TAFA1: variants seen among roughly 807,000 people sequenced by gnomAD.
TAFA1 encodes the protein chemokine-like protein TAFA-1.
In TAFA1, 4 loss-of-function variants were observed where a neutral mutation model predicts 18.5. The ratio of observed to expected loss-of-function variants is 0.22; its 90% confidence interval spans 0.11 to 0.49. The LOEUF (loss-of-function observed/expected upper bound fraction) is 0.49, where lower values mean the gene tolerates loss of function less well. TAFA1 is among the 20% of genes least tolerant of loss of function. The probability of loss-of-function intolerance (pLI) is 0.98; values close to 1 mark genes in which losing one functional copy is unlikely to be tolerated. For synonymous variants in TAFA1, 56 were observed against 55.2 expected, an observed-to-expected ratio of 1.01 and a Z score of -0.06; for missense variants, 147 against 169.0, an observed-to-expected ratio of 0.87 and a Z score of 0.72.
At chr3:68,068,225 T>C (rs1266239746) in intron 2 of TAFA1, among the ~76,000 whole-genome samples, 1 of 152,208 alleles carries the variant, frequency 6.6e-6, no homozygotes. Context: ...TTTCAATAAG[T>C]GATACATATA....
At chr3:68,037,311 G>C (rs1705073059) in intron 2 of TAFA1, among the ~76,000 whole-genome samples, 1 of 152,136 alleles carries the variant, frequency 6.6e-6, no homozygotes, top group Admixed American at 6.5e-5. Flanking sequence ...TGACGCCAAA[G>C]AGGAAAGGAC....
At chr3:68,120,171 C>CTGTT (rs1178876848) in intron 2 of TAFA1, among the ~76,000 whole-genome samples, 16 of 84,490 alleles carry the variant, frequency 1.9e-4, no homozygotes, top group African/African-American at 7.2e-4. Context: ...CTCTTTCTTT[C>CTGTT]TCTTTCTTTC....
chr3:68,193,007 G>A (rs1203346672), intron 2 of TAFA1, among the ~76,000 whole-genome samples: 1 of 151,694 alleles, frequency 6.6e-6, no homozygotes, highest in Non-Finnish European at 1.5e-5. Flanking sequence ...CCCAATGGTG[G>A]GCATGGACAG....
intron 2 of TAFA1, among the ~76,000 whole-genome samples, chr3:68,317,074 C>T (rs762542789): frequency 5.3e-5 from 8 of 151,918 alleles, no homozygotes; most frequent in Non-Finnish European, 7.4e-5. Flanking sequence ...AAACTAAATA[C>T]ATATTAATTG....
At chr3:68,229,667 A>G (rs1326118998) in intron 2 of TAFA1, among the ~76,000 whole-genome samples, 2 of 152,226 alleles carry the variant, frequency 1.3e-5, no homozygotes, top group African/African-American at 4.8e-5. Flanking sequence ...GTAGGTGGGA[A>G]GAAGAAATTA....
chr3:68,495,783 C>T (rs2106692531), intron 3 of TAFA1, among the ~76,000 whole-genome samples: 1 of 152,104 alleles, frequency 6.6e-6, no homozygotes, highest in South Asian at 2.1e-4. Flanking sequence ...GCTCTCCAGG[C>T]TCACATGTGG....
chr3:68,010,178 T>C (rs1704443017), intron 2 of TAFA1, among the ~76,000 whole-genome samples: 1 of 152,198 alleles, frequency 6.6e-6, no homozygotes, highest in African/African-American at 2.4e-5. Context: ...GTGAAAGCTT[T>C]ACAGCTGCTT....
chr3:68,171,929 A>T (rs997914260), intron 2 of TAFA1, among the ~76,000 whole-genome samples: 11 of 152,284 alleles, frequency 7.2e-5, no homozygotes, highest in African/African-American at 2.4e-4. Flanking sequence ...AAAATGAGGG[A>T]AAATGAACAG....
At chr3:68,132,409 G>T (rs1209618455) in intron 2 of TAFA1, among the ~76,000 whole-genome samples, 2 of 152,052 alleles carry the variant, frequency 1.3e-5, no homozygotes, top group Non-Finnish European at 2.9e-5. Flanking sequence ...GGGATTGCTG[G>T]GTCAAATGGT....
chr3:68,434,356 T>C (rs1404894824), intron 3 of TAFA1, among the ~76,000 whole-genome samples: 1 of 152,080 alleles, frequency 6.6e-6, no homozygotes, highest in African/African-American at 2.4e-5. Context: ...GCAATGAGCT[T>C]GTTACAAGCA....
chr3:68,276,238 T>G (rs561653656), intron 2 of TAFA1, among the ~76,000 whole-genome samples: 1 of 151,810 alleles, frequency 6.6e-6, no homozygotes, highest in African/African-American at 2.4e-5. Context: ...AAGAAAAAAA[T>G]TATCTAAAGC....
At chr3:68,033,560 G>C (rs966726380) in intron 2 of TAFA1, among the ~76,000 whole-genome samples, 2 of 152,118 alleles carry the variant, frequency 1.3e-5, no homozygotes, top group Non-Finnish European at 2.9e-5. Context: ...CCTCCTCTGA[G>C]AGCATTGTAC....
chr3:68,412,773 T>C (rs1303331665), intron 2 of TAFA1, among the ~76,000 whole-genome samples: 1 of 152,186 alleles, frequency 6.6e-6, no homozygotes, highest in African/African-American at 2.4e-5. Context: ...ATCCAGTCTA[T>C]CATTGGTGGA....
At chr3:68,204,963 AATCAT>A (rs1353707426) in intron 2 of TAFA1, among the ~76,000 whole-genome samples, 1 of 151,882 alleles carries the variant, frequency 6.6e-6, no homozygotes, top group South Asian at 2.1e-4. Context: ...CCATTTAGTA[AATCAT>A]ATCCTATTAT....
chr3:68,123,296 T>G (rs2065422782), intron 2 of TAFA1, among the ~76,000 whole-genome samples: 1 of 152,086 alleles, frequency 6.6e-6, no homozygotes, highest in Admixed American at 6.6e-5. Flanking sequence ...ATCTAAGGGC[T>G]TGGCAAAGGG....
intron 2 of TAFA1, among the ~76,000 whole-genome samples, chr3:68,243,147 T>A (rs974868777): frequency 6.6e-6 from 1 of 152,114 alleles, no homozygotes; most frequent in African/African-American, 2.4e-5. Context: ...TTTTTATTTT[T>A]AAATAATTAT....
At chr3:68,290,126 A>G (rs2068081687) in intron 2 of TAFA1, among the ~76,000 whole-genome samples, 1 of 152,208 alleles carries the variant, frequency 6.6e-6, no homozygotes, top group Non-Finnish European at 1.5e-5. Flanking sequence ...AACCCTCTTG[A>G]TAATTTACTG....
chr3:68,318,125 G>C (rs762597185), intron 2 of TAFA1, among the ~76,000 whole-genome samples: 2 of 152,094 alleles, frequency 1.3e-5, no homozygotes, highest in African/African-American at 2.4e-5. Context: ...TTGCCAACCA[G>C]TTTGTCAGTA....
chr3:68,288,609 ATGCTAATGTCTCTCTGTCC>A (rs1437527226), intron 2 of TAFA1, among the ~76,000 whole-genome samples: 1 of 152,172 alleles, frequency 6.6e-6, no homozygotes, highest in Non-Finnish European at 1.5e-5. Flanking sequence ...TCTGCTTTCA[ATGCTAATGTCTCTCTGTCC>A]TGTTTCCAAA....
Sources: gnomAD v4.1 joint callset for allele counts (sites outside exome capture counted in the v4.1 genomes callset) on GRCh38, gnomAD v4.1.1 for gene constraint, MANE v1.5 for transcripts, NCBI Gene and HGNC (gene_info 2026-07-23, HGNC 2026-07-21) for gene names.